Variants in CNTLN observed in about 807,000 individuals in gnomAD.
CNTLN encodes centlein, also known as centlein, centrosomal protein.
Under a neutral mutation model 180.0 loss-of-function variants are expected in CNTLN, and 212 were observed. The observed-to-expected ratio is 1.18, with a 90% CI of 1.05 to 1.32. The LOEUF (loss-of-function observed/expected upper bound fraction) is 1.32, where lower values mean the gene tolerates loss of function less well. Ranked by LOEUF, CNTLN falls within the 40% of genes most tolerant of loss-of-function variation. CNTLN has a pLI of 0.00. For missense variants in CNTLN, 2,095 were observed against 1,610.9 expected, an observed-to-expected ratio of 1.30 and a Z score of -5.14; for synonymous variants, 722 against 563.1, an observed-to-expected ratio of 1.28 and a Z score of -3.99.
the CNTLN span, among the ~76,000 whole-genome samples, chr9:17,517,405 A>C: frequency 4.5e-3 from 678 of 151,830 alleles, 3 homozygotes; most frequent in Middle Eastern, 0.014. Context: ...CAAAACAAAA[A>C]AAAAAAGTTA....
chr9:17,516,720 C>G, the CNTLN span, among the ~76,000 whole-genome samples: 1 of 152,172 alleles, frequency 6.6e-6, no homozygotes, highest in African/African-American at 2.4e-5. Flanking sequence ...CCAGCTCTCA[C>G]ATAGACGGGT....
intron 13 of CNTLN, among the ~76,000 whole-genome samples, chr9:17,378,005 C>G (rs915597569): frequency 1.3e-5 from 2 of 152,094 alleles, no homozygotes; most frequent in Admixed American, 6.5e-5. Flanking sequence ...TTTTTGCATA[C>G]TTTTCTATTC....
At chr9:17,324,670 A>T (rs1031408739) in intron 8 of CNTLN, among the ~76,000 whole-genome samples, 2 of 152,122 alleles carry the variant, frequency 1.3e-5, no homozygotes, top group African/African-American at 4.8e-5. Context: ...CATCTACTGG[A>T]TATAAGTATA....
chr9:17,403,422 C>G (rs542803908), intron 15 of CNTLN, among the ~76,000 whole-genome samples: 1 of 151,724 alleles, frequency 6.6e-6, no homozygotes, highest in Non-Finnish European at 1.5e-5. Context: ...GAATATTCAG[C>G]CTGTTCACAA....
intron 14 of CNTLN, among the ~76,000 whole-genome samples, chr9:17,392,024 A>C (rs1307411825): frequency 6.6e-6 from 1 of 152,152 alleles, no homozygotes; most frequent in Admixed American, 6.5e-5. Flanking sequence ...GCTTCTTAAT[A>C]ATATTTTTGT....
At chr9:17,225,567 C>T (rs919526137) in intron 2 of CNTLN, among the ~76,000 whole-genome samples, 1 of 151,992 alleles carries the variant, frequency 6.6e-6, no homozygotes, top group Non-Finnish European at 1.5e-5. Context: ...TATACAGTCT[C>T]TTCAGACCTT....
chr9:17,522,389 C>T, the CNTLN span, among the ~76,000 whole-genome samples: 2 of 152,124 alleles, frequency 1.3e-5, no homozygotes, highest in African/African-American at 4.8e-5. Context: ...GATTCCACAG[C>T]AAATACCTGG....
intron 23 of CNTLN, among the ~76,000 whole-genome samples, chr9:17,475,866 C>A (rs1330490077): frequency 1.5e-5 from 1 of 68,014 alleles, no homozygotes; most frequent in Non-Finnish European, 3.8e-5. Flanking sequence ...GAGCAAGACT[C>A]TCTCTCAAAA....
chr9:17,178,999 C>T (rs1481098732), intron 2 of CNTLN, among the ~76,000 whole-genome samples: 1 of 146,288 alleles, frequency 6.8e-6, no homozygotes, highest in East Asian at 1.9e-4. Context: ...AATCCCAGCA[C>T]TTTGGGAGGC....
At chr9:17,411,446 C>T (rs972897388) in intron 16 of CNTLN, among the ~76,000 whole-genome samples, 2 of 152,212 alleles carry the variant, frequency 1.3e-5, no homozygotes, top group Non-Finnish European at 2.9e-5. Context: ...GCACTCTTCA[C>T]CTCTCCTCCT....
chr9:17,362,875 C>G (rs981264581), intron 12 of CNTLN, among the ~76,000 whole-genome samples: 5 of 152,074 alleles, frequency 3.3e-5, no homozygotes, highest in African/African-American at 9.7e-5. Flanking sequence ...TCTCCTAATG[C>G]TATCCCTCCC....
the CNTLN span, among the ~76,000 whole-genome samples, chr9:17,525,771 A>T: frequency 1.3e-5 from 2 of 152,326 alleles, no homozygotes; most frequent in Middle Eastern, 6.8e-3. Flanking sequence ...GACTGAATTC[A>T]TTATGAAAAG....
rs142378754 is a variant in CNTLN at position 17,161,675 on chromosome 9, G to A, written c.449+18299G>A. On this transcript the variant is annotated intron_variant, in intron 2 of 25. Transcript: ENST00000380647. ...TTCCATAAAGAACTTTGAGTTTGGA[G>A]TAAAGCAAGAACAACTGCTATTATT... Among the ~76,000 whole-genome samples, 165 of 152,318 alleles carry A rather than the reference G, an allele frequency of 1.1e-3. 2 individuals are homozygous for A. The highest frequency in any genetic ancestry group is 3.7e-3 in the African/African-American group (152 of 41,548).
rs114231578 is a variant in CNTLN, at chr9:17,242,779, G to A, written c.849+6191G>A. Among the ~76,000 whole-genome samples the A allele has an allele frequency of 3.0e-3, 451 of 152,256 alleles. 5 individuals carry two copies. The highest frequency in any genetic ancestry group is 0.01 in the African/African-American group (432 of 41,552). The stretch of plus-strand genomic sequence containing the variant: ...TTTATTGAGGATTTTTGGTATCAGT[G>A]TTCATCAGGAATATTGGCCTGTAGT... On this transcript the variant is annotated intron_variant, in intron 5 of 25. Coordinates refer to ENST00000380647, the MANE Select transcript of CNTLN (RefSeq NM_017738.4).
chr9:17,266,105 T>C (rs1411430559), intron 5 of CNTLN, among the ~76,000 whole-genome samples: 2 of 150,924 alleles, frequency 1.3e-5, no homozygotes, highest in Non-Finnish European at 2.9e-5. Flanking sequence ...TGCTCTTGCT[T>C]CTCTAGTTCT....
chr9:17,208,246 T>C (rs1262033044), intron 2 of CNTLN, among the ~76,000 whole-genome samples: 3 of 152,216 alleles, frequency 2.0e-5, no homozygotes, highest in African/African-American at 7.2e-5. Context: ...TTTTGTGCTT[T>C]ATTATGTTGA....
intron 6 of CNTLN, among the ~76,000 whole-genome samples, chr9:17,281,164 T>G (rs1053413979): frequency 2.0e-5 from 3 of 152,204 alleles, no homozygotes; most frequent in Admixed American, 1.3e-4. Flanking sequence ...TAAGTTCTTA[T>G]GTTACTCCTA....
chr9:17,391,769 A>T (rs1386052886), intron 14 of CNTLN, among the ~76,000 whole-genome samples: 2 of 152,166 alleles, frequency 1.3e-5, no homozygotes, highest in Non-Finnish European at 2.9e-5. Context: ...TGTTAAGGTG[A>T]ATGATAATAG....
chr9:17,210,116 A>G (rs1823188553), intron 2 of CNTLN, among the ~76,000 whole-genome samples: 1 of 152,150 alleles, frequency 6.6e-6, no homozygotes, highest in Non-Finnish European at 1.5e-5. Context: ...CACAACGTGC[A>G]GGTTTGTTAC....
Sources: gnomAD v4.1 joint callset for allele counts (sites outside exome capture counted in the v4.1 genomes callset) on GRCh38, gnomAD v4.1.1 for gene constraint, MANE v1.5 for transcripts, NCBI Gene and HGNC (gene_info 2026-07-23, HGNC 2026-07-21) for gene names.